Variants in NEMP2 observed in about 807,000 individuals in gnomAD.
NEMP2 encodes the protein UPF0571 transmembrane protein.
NEMP2 carries 53 observed loss-of-function variants against 54.2 expected under a neutral mutation model. That is an observed-to-expected ratio of 0.98 (90% CI 0.78 to 1.23). The LOEUF (loss-of-function observed/expected upper bound fraction) is 1.23. Ranked by LOEUF, NEMP2 falls within the 50% of genes most tolerant of loss-of-function variation. The pLI, the probability that NEMP2 is intolerant of heterozygous loss-of-function variation, is 0.00. For missense variants in NEMP2, 455 were observed against 511.3 expected (o/e 0.89, Z 1.06); for synonymous variants, 197 against 190.3 (o/e 1.04, Z -0.29).
the NEMP2 span, among the ~76,000 whole-genome samples, chr2:190,445,558 A>G: frequency 4.6e-5 from 7 of 151,890 alleles, no homozygotes; most frequent in Admixed American, 1.3e-4. Context: ...AACACAAAAC[A>G]TACAGAATGA....
At chr2:190,620,607 A>C in the NEMP2 span, among the ~76,000 whole-genome samples, 1 of 152,210 alleles carries the variant, frequency 6.6e-6, no homozygotes, top group Non-Finnish European at 1.5e-5. The surrounding 1 kb of genome is among the most constrained non-coding windows in gnomAD (Gnocchi z 4.9). Flanking sequence ...AGAGTTATAG[A>C]AGGGAATTTA....
At chr2:190,504,172 C>G (rs73979260), downstream of NEMP2, among the ~76,000 whole-genome samples, 2,844 of 152,204 alleles carry the variant, frequency 0.019, 88 homozygotes, top group African/African-American at 0.065. This position sits in a 1 kb window ranked among gnomAD's most constrained non-coding sequence, Gnocchi z 5.6. Flanking sequence ...ATCTCTGGGC[C>G]TCAGGACCCA....
the NEMP2 span, among the ~76,000 whole-genome samples, chr2:190,642,018 C>T: frequency 6.6e-6 from 1 of 152,222 alleles, no homozygotes; most frequent in Non-Finnish European, 1.5e-5. The surrounding 1 kb of genome is among the most constrained non-coding windows in gnomAD (Gnocchi z 4.1). Context: ...GTTGTACTTA[C>T]TGCCTAATAT....
the NEMP2 span, among the ~76,000 whole-genome samples, chr2:190,621,117 AT>A: frequency 6.6e-6 from 1 of 152,254 alleles, no homozygotes; most frequent in Admixed American, 6.5e-5. Context: ...AGATCTACAT[AT>A]AGTCATAAGT....
chr2:190,575,895 T>C, the NEMP2 span, among the ~76,000 whole-genome samples: 1 of 150,506 alleles, frequency 6.6e-6, no homozygotes, highest in African/African-American at 2.4e-5. Context: ...AAAAAAGAAA[T>C]GAATGGTTAA....
chr2:190,648,744 G>T, the NEMP2 span, among the ~76,000 whole-genome samples: 33 of 151,000 alleles, frequency 2.2e-4, no homozygotes, highest in African/African-American at 7.7e-4. Context: ...CGCGGGAGCC[G>T]CCCACTCCCG....
At chr2:190,573,053 T>C in the NEMP2 span, among the ~76,000 whole-genome samples, 1 of 151,708 alleles carries the variant, frequency 6.6e-6, no homozygotes, top group African/African-American at 2.4e-5. Flanking sequence ...TTCTTATAAA[T>C]GTGGGTGGAA....
chr2:190,608,961 T>G, the NEMP2 span: 1 of 152,168 alleles, frequency 6.6e-6, no homozygotes, highest in Non-Finnish European at 1.5e-5. This position sits in a 1 kb window ranked among gnomAD's most constrained non-coding sequence, Gnocchi z 4.9. Context: ...TCCACTGAAG[T>G]TCTTGGAATG....
chr2:190,442,005 G>A, the NEMP2 span, among the ~76,000 whole-genome samples: 1 of 152,092 alleles, frequency 6.6e-6, no homozygotes, highest in African/African-American at 2.4e-5. Context: ...AATTGATACT[G>A]TGAAGAAACA....
the NEMP2 span, among the ~76,000 whole-genome samples, chr2:190,474,400 C>A: frequency 6.6e-6 from 1 of 152,188 alleles, no homozygotes; most frequent in Non-Finnish European, 1.5e-5. Context: ...ACCGATCCCA[C>A]AGAAATACAA....
chr2:190,438,274 G>A, the NEMP2 span, among the ~76,000 whole-genome samples: 1 of 151,846 alleles, frequency 6.6e-6, no homozygotes, highest in Admixed American at 6.6e-5. The surrounding 1 kb of genome is among the most constrained non-coding windows in gnomAD (Gnocchi z 5.2). Context: ...CCAGCACTTT[G>A]AGAGGCCGAG....
chr2:190,485,269 T>C, the NEMP2 span, among the ~76,000 whole-genome samples: 1 of 152,172 alleles, frequency 6.6e-6, no homozygotes, highest in African/African-American at 2.4e-5. The surrounding 1 kb of genome is among the most constrained non-coding windows in gnomAD (Gnocchi z 5.1). Context: ...GCTAGAATTG[T>C]TTTTTATCTA....
chr2:190,563,796 T>C, the NEMP2 span, among the ~76,000 whole-genome samples: 1 of 152,222 alleles, frequency 6.6e-6, no homozygotes, highest in African/African-American at 2.4e-5. This position sits in a 1 kb window ranked among gnomAD's most constrained non-coding sequence, Gnocchi z 4.3. Context: ...CAAGATTAAT[T>C]GGCTGTGAAT....
the NEMP2 span, among the ~76,000 whole-genome samples, chr2:190,566,592 C>T: frequency 3.4e-4 from 38 of 112,300 alleles, no homozygotes; most frequent in East Asian, 3.6e-3. Context: ...TGTCTTAAAA[C>T]GGGAAAGAAA....
the NEMP2 span, among the ~76,000 whole-genome samples, chr2:190,579,188 G>A: frequency 1.3e-5 from 2 of 151,834 alleles, no homozygotes; most frequent in Non-Finnish European, 2.9e-5. Context: ...CTGTGCCTTG[G>A]TTCCCAATTT....
At position 190,528,566 on chromosome 2, in the gene NEMP2, G is replaced by T. The variant is rs140683013; in HGVS notation, c.98-3188C>A. ...ACTATGATAATAATGTTTACTTCCA[G>T]ACAGGTCTTTCTTCACCACCCATGT... On this transcript the variant is annotated intron_variant, in intron 1 of 8. Transcript: ENST00000409150. The surrounding 1 kb of genome is among the most constrained non-coding windows in gnomAD (Gnocchi z 4.3). 9.7e-3 allele frequency among the ~76,000 whole-genome samples: 1,484 copies of T among 152,306 alleles called. 17 individuals carry two copies. The highest frequency in any genetic ancestry group is 0.02 in the Middle Eastern group (6 of 294).
At chr2:190,436,073 A>G in the NEMP2 span, 1 of 1,613,978 alleles carries the variant, frequency 6.2e-7, no homozygotes, top group Non-Finnish European at 8.5e-7. The surrounding 1 kb of genome is among the most constrained non-coding windows in gnomAD (Gnocchi z 5.3). Flanking sequence ...GATGAAGAGG[A>G]ACAGAAGAGA....
chr2:190,436,959 C>G, the NEMP2 span: 3 of 1,614,210 alleles, frequency 1.9e-6, no homozygotes, highest in Non-Finnish European at 2.5e-6. The surrounding 1 kb of genome is among the most constrained non-coding windows in gnomAD (Gnocchi z 5.3). Flanking sequence ...CAATCGTAGA[C>G]ACGGTCACAC....
the NEMP2 span, among the ~76,000 whole-genome samples, chr2:190,491,181 G>T: frequency 6.6e-6 from 1 of 152,182 alleles, no homozygotes; most frequent in East Asian, 1.9e-4. The surrounding 1 kb of genome is among the most constrained non-coding windows in gnomAD (Gnocchi z 4.2). Context: ...ACTCATCTTT[G>T]ATTAGTGAGA....
Sources: allele counts gnomAD v4.1 joint callset (sites outside exome capture counted in the v4.1 genomes callset), GRCh38; gene constraint gnomAD v4.1.1; non-coding constraint Gnocchi (gnomAD v3.1); transcripts MANE v1.5; gene names NCBI Gene and HGNC (gene_info 2026-07-23, HGNC 2026-07-21).